The following CEP63 variants were observed in gnomAD, a reference collection of about 807,000 sequenced individuals.
CEP63 encodes centrosomal protein 63, also known as centrosomal protein of 63 kDa.
In CEP63, 84 loss-of-function variants were observed where a neutral mutation model predicts 89.1. The ratio of observed to expected loss-of-function variants is 0.94; its 90% CI spans 0.79 to 1.13. The LOEUF (loss-of-function observed/expected upper bound fraction) is 1.13. Ranked by LOEUF, CEP63 falls within the 50% of genes most tolerant of loss-of-function variation. The pLI is 0.00. For missense variants in CEP63, 838 were observed against 813.3 expected (o/e 1.03, Z -0.37); for synonymous variants, 267 against 272.5 (o/e 0.98, Z 0.20).
At chr3:134,511,947 A>G (rs1332500977) in intron 3 of CEP63, among the ~76,000 whole-genome samples, 1 of 152,204 alleles carries the variant, frequency 6.6e-6, no homozygotes, top group Non-Finnish European at 1.5e-5. Flanking sequence ...ACTTAGTCCT[A>G]GGGTGTAAAC....
rs1553777495 is a variant in CEP63 at position 134,547,607 on chromosome 3, C to CTTATT, written c.1067+137_1067+141dup. 1.6e-5 allele frequency: 4 copies of CTTATT among 242,966 alleles called. No individual in the cohort carries two copies. In the African/African-American group the frequency reaches 2.3e-4, roughly 14 times the overall value. The allele number at this position is 242,966 out of a possible 1,614,324, so 15.1% of individuals were successfully genotyped here. A position where few individuals can be genotyped will look rare whatever the true frequency, so the allele number is the denominator to read the frequency against. On this transcript the variant is annotated intron_variant, in intron 9 of 14. Coordinates refer to ENST00000675561, the MANE Select transcript of CEP63 (RefSeq NM_001353108.3). ...CTAGTATCCACAAATGGCCTAAGTT[C>CTTATT]TTATTTCTTTTTTTTTTTTTTTGAG...
In CEP63 at chr3:134,544,329, A is replaced by G. The variant is rs185776958; in HGVS notation, c.556-1257A>G. On this transcript the variant is annotated intron_variant, in intron 6 of 14. Transcript: ENST00000675561. The stretch of plus-strand genomic sequence containing the variant: ...CTGGATTAAAACTTGTAAAAACTAA[A>G]AAGTTTGGAGCTAAAACCCAATACT... Among the ~76,000 whole-genome samples the G allele has an allele frequency of 1.1e-4, 16 of 152,330 alleles. No individual in the cohort carries two copies. The East Asian group carries it at 3.1e-3, about 29-fold the overall frequency.
chr3:134,746,101 G>A, the CEP63 span, among the ~76,000 whole-genome samples: 1 of 145,824 alleles, frequency 6.9e-6, no homozygotes, highest in Non-Finnish European at 1.5e-5. Context: ...CCTGGTGTGT[G>A]ATGTTCCCCA....
chr3:134,522,351 C>T (rs565398827), intron 3 of CEP63, among the ~76,000 whole-genome samples: 21 of 152,192 alleles, frequency 1.4e-4, no homozygotes, highest in African/African-American at 4.3e-4. Flanking sequence ...ACTGGCAAAG[C>T]GTTTTCTTCT....
At chr3:134,485,868 G>A (rs1935095807), upstream of CEP63, 2 of 471,240 alleles carry the variant, frequency 4.2e-6, no homozygotes, top group Admixed American at 6.4e-5. Context: ...CTCGGCCGAT[G>A]GGAATAGGGG....
chr3:134,490,120 G>GC (rs1313914054), intron 1 of CEP63, among the ~76,000 whole-genome samples: 2 of 152,062 alleles, frequency 1.3e-5, no homozygotes, highest in East Asian at 3.8e-4. Flanking sequence ...AGGTGTTCTT[G>GC]CTACTAGGTT....
the CEP63 span, among the ~76,000 whole-genome samples, chr3:134,618,405 C>T: frequency 2.6e-5 from 4 of 152,186 alleles, no homozygotes; most frequent in East Asian, 1.9e-4. Flanking sequence ...GACAGTGGGC[C>T]GCTGTTCATC....
At chr3:134,487,076 T>A (rs1935805788) in intron 1 of CEP63, among the ~76,000 whole-genome samples, 1 of 152,196 alleles carries the variant, frequency 6.6e-6, no homozygotes, top group Non-Finnish European at 1.5e-5. Flanking sequence ...CTGGTTAAAC[T>A]TATTAAAAGA....
At chr3:134,619,313 A>G in the CEP63 span, 12 of 1,414,448 alleles carry the variant, frequency 8.5e-6, no homozygotes, top group Non-Finnish European at 1.2e-5. Flanking sequence ...CTGGGAGGCG[A>G]GAAGACTCCA....
At chr3:134,762,908 C>T in the CEP63 span, among the ~76,000 whole-genome samples, 1 of 152,158 alleles carries the variant, frequency 6.6e-6, no homozygotes, top group Non-Finnish European at 1.5e-5. Flanking sequence ...AATTTCATGA[C>T]TTGATGAATA....
At chr3:134,662,461 G>A in the CEP63 span, among the ~76,000 whole-genome samples, 1 of 152,120 alleles carries the variant, frequency 6.6e-6, no homozygotes, top group Admixed American at 6.5e-5. Context: ...AATGAACTAA[G>A]ACAGTGGTAA....
At chr3:134,709,089 A>AT in the CEP63 span, among the ~76,000 whole-genome samples, 3 of 152,264 alleles carry the variant, frequency 2.0e-5, no homozygotes, top group African/African-American at 4.8e-5. Context: ...ATGAAAGGAT[A>AT]TTTTTTAATG....
At chr3:134,572,619 G>C (rs1179789183) in intron 11 of CEP63, among the ~76,000 whole-genome samples, 1 of 152,188 alleles carries the variant, frequency 6.6e-6, no homozygotes, top group Admixed American at 6.5e-5. Flanking sequence ...GTATTCCATG[G>C]TGTATATGTA....
the CEP63 span, chr3:134,610,735 G>A: frequency 6.0e-5 from 12 of 199,252 alleles, no homozygotes; most frequent in East Asian, 9.5e-4. Context: ...GGGGGCAAGC[G>A]TGAGGCTGGC....
chr3:134,689,676 ACTC>A, the CEP63 span, among the ~76,000 whole-genome samples: 70 of 151,566 alleles, frequency 4.6e-4, no homozygotes, highest in African/African-American at 1.6e-3. Flanking sequence ...CTGGTCTTGA[ACTC>A]CTGACATCAA....
chr3:134,588,061 A>G (rs1958521838), downstream of CEP63, among the ~76,000 whole-genome samples: 1 of 152,174 alleles, frequency 6.6e-6, no homozygotes, highest in South Asian at 2.1e-4. Context: ...TGGGAGGCCA[A>G]TGTGGGCGAT....
intron 6 of CEP63, among the ~76,000 whole-genome samples, chr3:134,544,842 T>C (rs1211887303): frequency 6.6e-6 from 1 of 152,088 alleles, no homozygotes; most frequent in African/African-American, 2.4e-5. Context: ...CTTTATCCAT[T>C]CTTTTCTATT....
downstream of CEP63, among the ~76,000 whole-genome samples, chr3:134,591,561 A>G (rs893846158): frequency 2.0e-5 from 3 of 152,138 alleles, no homozygotes; most frequent in Non-Finnish European, 2.9e-5. Flanking sequence ...GTCCTTTTTA[A>G]TATTGAGATA....
rs151334278 is a variant in CEP63 at position 134,587,297 on chromosome 3, T to G, written c.1207-161T>G. Among the ~76,000 whole-genome samples, 546 of 152,326 alleles carry G rather than the reference T, an allele frequency of 3.6e-3. 8 individuals are homozygous for G. The highest frequency in any genetic ancestry group is 0.013 in the African/African-American group (524 of 41,564). On this transcript the variant is annotated intron_variant, in intron 10 of 10. Transcript: ENST00000683931. ...TGCTCTAGTTTTTAGAATTTTCAGC[T>G]TTTCTGCTCTGGTTTCTCCCCATCT...
Sources: allele counts gnomAD v4.1 joint callset (sites outside exome capture counted in the v4.1 genomes callset), GRCh38; gene constraint gnomAD v4.1.1; transcripts MANE v1.5; gene names NCBI Gene and HGNC (gene_info 2026-07-23, HGNC 2026-07-21).